TNFSF4: variants seen among roughly 807,000 people sequenced by gnomAD.
TNFSF4 encodes TNF superfamily member 4.
In TNFSF4, 4 loss-of-function variants were observed where a neutral mutation model predicts 7.3. The ratio of observed to expected loss-of-function variants is 0.55; its 90% CI spans 0.27 to 1.25. The LOEUF (loss-of-function observed/expected upper bound fraction) is 1.25. Among genes scored for constraint, TNFSF4 ranks in the 50% most tolerant of loss-of-function variants. TNFSF4 has a pLI of 0.12. For synonymous variants in TNFSF4, 76 were observed against 83.7 expected (o/e 0.91, Z 0.50); for missense variants, 181 against 208.8 (o/e 0.87, Z 0.82).
chr1:173,263,360 A>G, the TNFSF4 span, among the ~76,000 whole-genome samples: 2 of 152,178 alleles, frequency 1.3e-5, no homozygotes, highest in African/African-American at 4.8e-5. Context: ...CTGGAGGCAT[A>G]ACGCTATTTC....
chr1:173,277,809 A>C, the TNFSF4 span, among the ~76,000 whole-genome samples: 1 of 152,150 alleles, frequency 6.6e-6, no homozygotes, highest in Non-Finnish European at 1.5e-5. Context: ...TACATTGCTC[A>C]TCAATGACAA....
At chr1:173,212,531 A>G in the TNFSF4 span, among the ~76,000 whole-genome samples, 1 of 151,642 alleles carries the variant, frequency 6.6e-6, no homozygotes, top group East Asian at 1.9e-4. Context: ...AATTCTTTAA[A>G]TCTATTTCAC....
the TNFSF4 span, among the ~76,000 whole-genome samples, chr1:173,245,496 G>T: frequency 6.6e-6 from 1 of 151,988 alleles, no homozygotes; most frequent in East Asian, 1.9e-4. Context: ...ATATTTATGG[G>T]GTACAGCGTG....
At chr1:173,417,296 G>A in the TNFSF4 span, among the ~76,000 whole-genome samples, 3 of 152,288 alleles carry the variant, frequency 2.0e-5, no homozygotes, top group Admixed American at 6.5e-5. Context: ...TGAAATACCC[G>A]CTTCATAAGG....
the TNFSF4 span, among the ~76,000 whole-genome samples, chr1:173,256,552 G>A: frequency 5.3e-5 from 8 of 152,264 alleles, no homozygotes; most frequent in African/African-American, 1.7e-4. Context: ...GAATTTGGGG[G>A]AAGGGGACAC....
chr1:173,272,124 A>G, the TNFSF4 span, among the ~76,000 whole-genome samples: 1 of 151,974 alleles, frequency 6.6e-6, no homozygotes. Context: ...AAATATTCTC[A>G]CTCATAGGTG....
the TNFSF4 span, among the ~76,000 whole-genome samples, chr1:173,366,997 C>G: frequency 6.6e-6 from 1 of 152,216 alleles, no homozygotes; most frequent in African/African-American, 2.4e-5. Flanking sequence ...GGGGCCCTCG[C>G]ATGAGTACAC....
the TNFSF4 span, among the ~76,000 whole-genome samples, chr1:173,366,339 A>G: frequency 1.4e-4 from 22 of 152,156 alleles, no homozygotes; most frequent in African/African-American, 5.1e-4. Context: ...AACAACATAG[A>G]CGGAAGTGAA....
chr1:173,314,279 G>A, the TNFSF4 span, among the ~76,000 whole-genome samples: 4 of 151,988 alleles, frequency 2.6e-5, no homozygotes, highest in Non-Finnish European at 4.4e-5. Flanking sequence ...TATACATTTT[G>A]TTGTTTTATA....
At chr1:173,194,727 T>TA (rs1473531855) in intron 1 of TNFSF4, among the ~76,000 whole-genome samples, 4 of 150,788 alleles carry the variant, frequency 2.7e-5, no homozygotes, top group South Asian at 2.1e-4. Context: ...TACAAAAAAA[T>TA]AAAAAAATAA....
the TNFSF4 span, among the ~76,000 whole-genome samples, chr1:173,391,310 G>GTCTCTCTCTCTCTCTCTC: frequency 1.5e-5 from 2 of 132,288 alleles, no homozygotes; most frequent in African/African-American, 5.9e-5. Flanking sequence ...CTTTCTTTCT[G>GTCTCTCTCTCTCTCTCTC]TCTCTCTCTC....
At chr1:173,363,626 C>T in the TNFSF4 span, 16 of 409,764 alleles carry the variant, frequency 3.9e-5, no homozygotes, top group Middle Eastern at 4.1e-4. Context: ...AAAGGCTTAT[C>T]GGATGGATGT....
At chr1:173,384,753 T>C in the TNFSF4 span, among the ~76,000 whole-genome samples, 1 of 152,240 alleles carries the variant, frequency 6.6e-6, no homozygotes, top group African/African-American at 2.4e-5. Flanking sequence ...AAGGTGCATA[T>C]ACACTATAAG....
At chr1:173,443,663 C>T in the TNFSF4 span, among the ~76,000 whole-genome samples, 463 of 152,266 alleles carry the variant, frequency 3.0e-3, 1 homozygote, top group African/African-American at 0.011. Flanking sequence ...CGTAAAGTCA[C>T]CCCTAATTCT....
Position 173,186,431 on chromosome 1 carries a change from C to CA in TNFSF4, c.*84dup. 8.6e-7 allele frequency: 1 copy of CA among 1,160,718 alleles called. No homozygotes were observed. The highest frequency in any genetic ancestry group is 1.2e-6 in the Non-Finnish European group (1 of 820,218). 71.9% of individuals were successfully genotyped at this position (1,160,718 alleles called of 1,614,324 possible). A position where few individuals can be genotyped will look rare whatever the true frequency, so the allele number is the denominator to read the frequency against. ...ACGTGGCTGAGCTGGGAGGCTCCTT[C>CA]ACTTGCAATGAAGAATCCATGCCCT... is the stretch of plus-strand genomic sequence containing the variant. On this transcript the variant is annotated 3_prime_UTR_variant, in exon 3 of 3. Transcript: ENST00000281834.
chr1:173,395,673 A>C, the TNFSF4 span, among the ~76,000 whole-genome samples: 2 of 152,048 alleles, frequency 1.3e-5, no homozygotes, highest in African/African-American at 4.8e-5. Flanking sequence ...GCTGAAATAC[A>C]ACACAAGTTA....
the TNFSF4 span, among the ~76,000 whole-genome samples, chr1:173,323,908 G>A: frequency 9.9e-5 from 15 of 152,206 alleles, 1 homozygote; most frequent in Admixed American, 8.5e-4. Context: ...AAAGTGACAG[G>A]GAGAATGCAA....
the TNFSF4 span, among the ~76,000 whole-genome samples, chr1:173,397,601 T>C: frequency 1.3e-5 from 2 of 152,202 alleles, no homozygotes; most frequent in Non-Finnish European, 2.9e-5. Context: ...TCTGTGGTTA[T>C]TTCCCCAGTT....
chr1:173,262,879 C>T, the TNFSF4 span, among the ~76,000 whole-genome samples: 11 of 152,136 alleles, frequency 7.2e-5, no homozygotes, highest in Non-Finnish European at 1.6e-4. Flanking sequence ...GGATTACAGG[C>T]GTGAGCCACC....
Sources: gnomAD v4.1 joint callset for allele counts (sites outside exome capture counted in the v4.1 genomes callset) on GRCh38, gnomAD v4.1.1 for gene constraint, MANE v1.5 for transcripts, NCBI Gene and HGNC (gene_info 2026-07-23, HGNC 2026-07-21) for gene names.